Variants in AGBL4 observed in about 807,000 individuals in gnomAD.
The protein encoded by AGBL4 is cytosolic carboxypeptidase 6.
A neutral mutation model predicts 66.4 loss-of-function variants in AGBL4; 58 were observed. The ratio of observed to expected loss-of-function variants is 0.87; its 90% CI spans 0.71 to 1.09. The LOEUF (loss-of-function observed/expected upper bound fraction) is 1.09, where lower values mean the gene tolerates loss of function less well. Ranked by LOEUF, AGBL4 falls within the 50% of genes least tolerant of loss-of-function variation. AGBL4 has a pLI of 0.00. For synonymous variants in AGBL4, 234 were observed against 222.9 expected, an observed-to-expected ratio of 1.05 and a Z score of -0.44; for missense variants, 579 against 631.0, an observed-to-expected ratio of 0.92 and a Z score of 0.88.
chr1:49,059,110 C>T (rs1206589326), intron 4 of AGBL4, among the ~76,000 whole-genome samples: 1 of 152,122 alleles, frequency 6.6e-6, no homozygotes, highest in Admixed American at 6.5e-5. Context: ...GAAAATGTCT[C>T]CAAGGCATAT....
chr1:49,168,606 C>G (rs952898119), intron 4 of AGBL4, among the ~76,000 whole-genome samples: 3 of 152,174 alleles, frequency 2.0e-5, no homozygotes, highest in African/African-American at 7.2e-5. Flanking sequence ...ATTGTGGGTG[C>G]AGCCCTAGAT....
intron 3 of AGBL4, among the ~76,000 whole-genome samples, chr1:49,437,818 A>T (rs1570715504): frequency 1.4e-5 from 2 of 147,722 alleles, no homozygotes; most frequent in African/African-American, 5.4e-5. Context: ...ATTTGTAGAC[A>T]TGTTTTTAGT....
At chr1:48,614,021 G>A (rs1645280793) in intron 9 of AGBL4, among the ~76,000 whole-genome samples, 1 of 152,188 alleles carries the variant, frequency 6.6e-6, no homozygotes, top group Non-Finnish European at 1.5e-5. Context: ...GAAAGAGTTG[G>A]AAAGCATAAG....
chr1:49,887,118 A>C (rs1648123129), intron 1 of AGBL4, among the ~76,000 whole-genome samples: 1 of 150,140 alleles, frequency 6.7e-6, no homozygotes, highest in African/African-American at 2.4e-5. Context: ...AAGTGTAATA[A>C]AGTGCTTTAC....
rs561088692 is a variant in AGBL4, at chr1:48,943,671, G to A, written c.595-76441C>T. On this transcript the variant is annotated intron_variant, in intron 5 of 13. Transcript: ENST00000371839. Reference sequence around the variant, plus strand: ...TCCTTACAGTTAATGGTCCAGTCAGGAAAACAGCTGATACAAGTAGGCAGC... The same window carrying A: ...TCCTTACAGTTAATGGTCCAGTCAGAAAAACAGCTGATACAAGTAGGCAGC... Among the ~76,000 whole-genome samples, 6 of 152,272 alleles carry A rather than the reference G, an allele frequency of 3.9e-5. No homozygotes were observed. In the South Asian group the frequency reaches 1.0e-3, roughly 26 times the overall value.
At chr1:49,324,884 A>G (rs1192976126) in intron 3 of AGBL4, among the ~76,000 whole-genome samples, 1 of 152,216 alleles carries the variant, frequency 6.6e-6, no homozygotes, top group Admixed American at 6.5e-5. Context: ...ATGTTGAATG[A>G]ATGAGTAAAT....
At chr1:48,674,527 G>A (rs1334306514) in intron 6 of AGBL4, among the ~76,000 whole-genome samples, 1 of 151,370 alleles carries the variant, frequency 6.6e-6, no homozygotes, top group African/African-American at 2.4e-5. Context: ...GCGCGTTGGG[G>A]CGGGGAGGGG....
intron 5 of AGBL4, among the ~76,000 whole-genome samples, chr1:48,931,528 CT>C (rs1459263879): frequency 6.6e-6 from 1 of 151,224 alleles, no homozygotes; most frequent in South Asian, 2.1e-4. Context: ...CTTTCTCTCT[CT>C]TTTTTTTTGA....
chr1:50,010,133 G>T (rs10888674), intron 1 of AGBL4, among the ~76,000 whole-genome samples: 140,937 of 151,990 alleles, frequency 0.93, 66,202 homozygotes, highest in East Asian at 1. Context: ...AGATGAAACC[G>T]TGTCTCTACT....
chr1:49,265,234 C>A (rs79089245), intron 3 of AGBL4, among the ~76,000 whole-genome samples: 3,636 of 152,216 alleles, frequency 0.024, 123 homozygotes, highest in African/African-American at 0.083. Context: ...TGGCACTTAA[C>A]CTCCTCTGAT....
At chr1:49,927,276 A>C (rs1320596889) in intron 1 of AGBL4, among the ~76,000 whole-genome samples, 2 of 152,218 alleles carry the variant, frequency 1.3e-5, no homozygotes, top group Non-Finnish European at 2.9e-5. Flanking sequence ...AGGCTGTATT[A>C]GTCCATTTTC....
chr1:49,522,317 C>G (rs534197028), intron 3 of AGBL4, among the ~76,000 whole-genome samples: 1 of 152,170 alleles, frequency 6.6e-6, no homozygotes, highest in East Asian at 1.9e-4. Context: ...CTCTGATCCT[C>G]TGTATTACCT....
At chr1:49,713,006 C>T (rs1194957772) in intron 2 of AGBL4, among the ~76,000 whole-genome samples, 1 of 151,842 alleles carries the variant, frequency 6.6e-6, no homozygotes, top group Non-Finnish European at 1.5e-5. Context: ...TATATAGTTG[C>T]CTCCAACAAT....
chr1:49,799,411 T>C (rs1029841786), intron 2 of AGBL4, among the ~76,000 whole-genome samples: 1 of 152,210 alleles, frequency 6.6e-6, no homozygotes, highest in African/African-American at 2.4e-5. Context: ...AAACAGTATC[T>C]AACTGGTACA....
At position 49,244,779 on chromosome 1, in the gene AGBL4, A is replaced by T. The variant is rs1055905320; in HGVS notation, c.377+991T>A. On this transcript the variant is annotated intron_variant, in intron 4 of 13. Transcript: ENST00000371839. Reference sequence around the variant, plus strand: ...GTGCCAGGCAAAACTTTACATGTAAATTCTCATAACAAATTCAGTTCATCT... The same window carrying T: ...GTGCCAGGCAAAACTTTACATGTAATTTCTCATAACAAATTCAGTTCATCT... Among the ~76,000 whole-genome samples the T allele has an allele frequency of 5.3e-5, 8 of 151,820 alleles. No homozygotes were observed. The South Asian group carries it at 1.7e-3, about 31-fold the overall frequency.
chr1:50,019,563 G>T (rs1474517900), intron 1 of AGBL4, among the ~76,000 whole-genome samples: 1 of 151,746 alleles, frequency 6.6e-6, no homozygotes, highest in Non-Finnish European at 1.5e-5. Context: ...TCAACATTCT[G>T]CCCATAATTG....
intron 3 of AGBL4, among the ~76,000 whole-genome samples, chr1:49,440,371 A>G (rs1289463560): frequency 1.3e-5 from 2 of 152,002 alleles, no homozygotes; most frequent in African/African-American, 4.8e-5. Context: ...CCCAGCCAGG[A>G]CTCTGCTTTA....
At chr1:49,289,261 G>A (rs1340633215) in intron 3 of AGBL4, among the ~76,000 whole-genome samples, 1 of 152,100 alleles carries the variant, frequency 6.6e-6, no homozygotes, top group African/African-American at 2.4e-5. Context: ...TAACATATTA[G>A]ATCCTGAAGA....
chr1:49,996,544 C>T (rs186804759), intron 1 of AGBL4, among the ~76,000 whole-genome samples: 27 of 152,196 alleles, frequency 1.8e-4, no homozygotes, highest in African/African-American at 5.3e-4. Context: ...TGAACAAAGC[C>T]TCCAAGAAGT....
Sources: gnomAD v4.1 joint callset for allele counts (sites outside exome capture counted in the v4.1 genomes callset) on GRCh38, gnomAD v4.1.1 for gene constraint, MANE v1.5 for transcripts, NCBI Gene and HGNC (gene_info 2026-07-23, HGNC 2026-07-21) for gene names.